CDH4: variants seen among roughly 807,000 people sequenced by gnomAD.
CDH4 encodes the protein cadherin-4.
In CDH4, 33 loss-of-function variants were observed where a neutral mutation model predicts 86.0. The ratio of observed to expected loss-of-function variants is 0.38; its 90% CI spans 0.29 to 0.51. The LOEUF (loss-of-function observed/expected upper bound fraction) is 0.51, where lower values mean the gene tolerates loss of function less well. Ranked by LOEUF, CDH4 falls within the 20% of genes least tolerant of loss-of-function variation. The pLI is 0.86. For synonymous variants in CDH4, 555 were observed against 549.4 expected (o/e 1.01, Z -0.14); for missense variants, 1,114 against 1,307.4 (o/e 0.85, Z 2.28).
chr20:61,784,670 A>G (rs868154882), intron 4 of CDH4, among the ~76,000 whole-genome samples: 19 of 79,578 alleles, frequency 2.4e-4, no homozygotes, highest in African/African-American at 5.7e-4. Flanking sequence ...AGGCCCTCAG[A>G]TGTCCTGTGC....
chr20:61,614,795 C>T (rs1395791481), intron 2 of CDH4, among the ~76,000 whole-genome samples: 1 of 152,134 alleles, frequency 6.6e-6, no homozygotes, highest in Admixed American at 6.5e-5. Context: ...CTAATGGGGG[C>T]CCGCTCTTCA....
chr20:61,546,268 CAT>C lies in CDH4; in HGVS notation c.170-197294_170-197293del, dbSNP rs752216204. On this transcript the variant is annotated intron_variant, in intron 2 of 15. Transcript: ENST00000614565. ...GTATGTGGGATACAGTATGTGTTCACATGTGTGTGGTGTGTGCGCTCGAGTGT... is the reference window on the plus strand; with the variant it reads ...GTATGTGGGATACAGTATGTGTTCACGTGTGTGGTGTGTGCGCTCGAGTGT... 1.2e-3 allele frequency among the ~76,000 whole-genome samples: 178 copies of C among 150,950 alleles called. 2 individuals are homozygous for C. Among genetic ancestry groups the C allele is most frequent in the Admixed American group, 3.6e-3 (54 of 15,166 alleles).
rs535581062 is a variant in CDH4 at position 61,797,789 on chromosome 20, C to CA, written c.576+24613dup. On this transcript the variant is annotated intron_variant, in intron 4 of 15. Transcript: ENST00000614565. The stretch of plus-strand genomic sequence containing the variant: ...CTGACAAAGTGAGACCCCGTCTCTA[C>CA]AAAAAACAAAAAAGACAAATGTCCG... Among the ~76,000 whole-genome samples, 7 of 152,130 alleles carry CA rather than the reference C, an allele frequency of 4.6e-5. No individual in the cohort carries two copies. The South Asian group carries it at 1.2e-3, about 27-fold the overall frequency.
At chr20:61,442,939 G>A (rs1011870528) in intron 2 of CDH4, among the ~76,000 whole-genome samples, 14 of 152,226 alleles carry the variant, frequency 9.2e-5, no homozygotes, top group African/African-American at 2.9e-4. Context: ...AGTGTCCCTG[G>A]CCGCCACCCT....
rs1371062767 is a variant in CDH4, at chr20:61,754,728, C to T, written c.396+10939C>T. On this transcript the variant is annotated intron_variant, in intron 3 of 15. Coordinates refer to ENST00000614565, the MANE Select transcript of CDH4 (RefSeq NM_001794.5). This position sits in a 1 kb window ranked among gnomAD's most constrained non-coding sequence, Gnocchi z 4.7. ...CCACACACACCGCACACACACTGCA[C>T]GCCCCGCACACACTATGCACACCAC... is the stretch of plus-strand genomic sequence containing the variant. 9.4e-5 allele frequency among the ~76,000 whole-genome samples: 14 copies of T among 149,498 alleles called. No individual in the cohort carries two copies. Among genetic ancestry groups the T allele is most frequent in the Admixed American group, 2.0e-4 (3 of 14,996 alleles).
In CDH4 at chr20:61,795,293, C is replaced by T. The variant is rs80325528; in HGVS notation, c.576+22111C>T. On this transcript the variant is annotated intron_variant, in intron 4 of 15. Coordinates refer to ENST00000614565, the MANE Select transcript of CDH4 (RefSeq NM_001794.5). ...CTCATAAAAGCCATCACCTTCCCAG[C>T]AATCACTTTGTACTGACCCTTTCTT... Among the ~76,000 whole-genome samples, 1,139 of 151,646 alleles carry T rather than the reference C, an allele frequency of 7.5e-3. 37 individuals are homozygous for T. Among genetic ancestry groups the T allele is most frequent in the East Asian group, 0.067 (344 of 5,100 alleles).
chr20:61,255,448 T>C (rs1450166316), intron 2 of CDH4, among the ~76,000 whole-genome samples: 1 of 152,264 alleles, frequency 6.6e-6, no homozygotes, highest in East Asian at 1.9e-4. Context: ...TCCACACTTG[T>C]GATGGGAAAG....
At chr20:61,415,149 G>T (rs560471476) in intron 2 of CDH4, among the ~76,000 whole-genome samples, 37 of 152,292 alleles carry the variant, frequency 2.4e-4, no homozygotes, top group African/African-American at 7.7e-4. Context: ...CACACTAGTG[G>T]CATCGGCATT....
intron 2 of CDH4, among the ~76,000 whole-genome samples, chr20:61,255,913 G>A (rs2084095566): frequency 6.6e-6 from 1 of 152,088 alleles, no homozygotes; most frequent in Admixed American, 6.6e-5. Flanking sequence ...TATGTGGATA[G>A]GATTTTTATT....
chr20:61,666,988 C>T (rs1020405638), intron 2 of CDH4, among the ~76,000 whole-genome samples: 9 of 152,230 alleles, frequency 5.9e-5, no homozygotes, highest in South Asian at 2.1e-4. Flanking sequence ...TATGTCCAGA[C>T]GACTGCTCCC....
Position 61,254,920 on chromosome 20 carries a change from G to A in CDH4, c.152G>A (p.Gly51Glu). 1 of 1,607,352 alleles carries A rather than the reference G, an allele frequency of 6.2e-7. No homozygotes were observed. The highest frequency in any genetic ancestry group is 2.2e-5 in the East Asian group (1 of 44,844). The stretch of plus-strand genomic sequence containing the variant: ...TTAATCTCCCAAAATATTCTAGAAG[G>A]GGAAAAGCTACTTCAAGGTAAGGCG... ...TALISQNILE[G>E]EKLLQVKFSS... is the part of the protein sequence containing the mutation. Residue 51 changes from glycine (G) to glutamate (E), a missense_variant, in exon 2 of 16, where the codon GGG becomes GAG. Around this residue, in one of 3 missense-constraint regions of CDH4, gnomAD observed 221 missense variants for 209.5 expected, o/e 1.05. Coordinates refer to ENST00000614565, the MANE Select transcript of CDH4 (RefSeq NM_001794.5).
intron 3 of CDH4, among the ~76,000 whole-genome samples, chr20:61,748,801 A>T (rs1345953432): frequency 3.9e-5 from 6 of 152,216 alleles, no homozygotes; most frequent in Non-Finnish European, 7.4e-5. Flanking sequence ...TTAGAAAATC[A>T]CTAAAAGAGT....
intron 2 of CDH4, among the ~76,000 whole-genome samples, chr20:61,710,340 C>T (rs1403926564): frequency 6.6e-6 from 1 of 152,182 alleles, no homozygotes; most frequent in Admixed American, 6.5e-5. Flanking sequence ...TTCTCTGGGC[C>T]CCAATGTGAA....
At chr20:61,367,318 C>A (rs567533136) in intron 2 of CDH4, among the ~76,000 whole-genome samples, 1 of 152,288 alleles carries the variant, frequency 6.6e-6, no homozygotes, top group African/African-American at 2.4e-5. Context: ...GTAAACAAGG[C>A]TGACACAAGA....
At chr20:61,315,419 T>TA (rs1178548502) in intron 2 of CDH4, among the ~76,000 whole-genome samples, 2 of 151,974 alleles carry the variant, frequency 1.3e-5, no homozygotes, top group Non-Finnish European at 2.9e-5. Flanking sequence ...GGTGCCCTGA[T>TA]AAAAAAGACC....
intron 2 of CDH4, among the ~76,000 whole-genome samples, chr20:61,710,171 G>A (rs1306975855): frequency 6.6e-6 from 1 of 152,074 alleles, no homozygotes; most frequent in African/African-American, 2.4e-5. Context: ...GCCTCAACTC[G>A]GTGTTTTTTC....
chr20:61,584,484 C>T (rs2086455053), intron 2 of CDH4, among the ~76,000 whole-genome samples: 4 of 152,246 alleles, frequency 2.6e-5, no homozygotes, highest in Admixed American at 2.0e-4. Context: ...TGACCTGTGG[C>T]TGCTTTCTCC....
At chr20:61,512,869 A>G (rs570542893) in intron 2 of CDH4, among the ~76,000 whole-genome samples, 19 of 152,256 alleles carry the variant, frequency 1.2e-4, no homozygotes, top group Non-Finnish European at 2.2e-4. Context: ...TCACAGGGAC[A>G]TGGATGGATT....
chr20:61,862,652 G>A (rs1983379759), intron 6 of CDH4, among the ~76,000 whole-genome samples: 1 of 152,212 alleles, frequency 6.6e-6, no homozygotes, highest in African/African-American at 2.4e-5. Flanking sequence ...CAGAGAACGA[G>A]CTCTCAGGGC....
Sources: gnomAD v4.1 joint callset for allele counts (sites outside exome capture counted in the v4.1 genomes callset) on GRCh38, gnomAD v4.1.1 for gene constraint, gnomAD v4.1.1 regional missense constraint, Gnocchi (gnomAD v3.1) non-coding constraint, MANE v1.5 for transcripts, NCBI Gene and HGNC (gene_info 2026-07-23, HGNC 2026-07-21) for gene names.